The following ANKRD55 variants were observed in gnomAD, a reference collection of about 807,000 sequenced individuals.
The protein encoded by ANKRD55 is ankyrin repeat domain-containing protein 55.
ANKRD55 carries 41 observed loss-of-function variants against 60.6 expected under a neutral mutation model. The observed-to-expected ratio is 0.68, with a 90% confidence interval of 0.53 to 0.88. The LOEUF (loss-of-function observed/expected upper bound fraction) is 0.88, where lower values mean the gene tolerates loss of function less well. Among genes scored for constraint, ANKRD55 ranks in the 40% least tolerant of loss-of-function variants. The pLI is 0.00. For synonymous variants in ANKRD55, 264 were observed against 290.3 expected, an observed-to-expected ratio of 0.91 and a Z score of 0.92; for missense variants, 732 against 767.6, an observed-to-expected ratio of 0.95 and a Z score of 0.55.
intron 2 of ANKRD55, among the ~76,000 whole-genome samples, chr5:56,231,585 T>G (rs1479470692): frequency 6.6e-6 from 1 of 152,002 alleles, no homozygotes; most frequent in African/African-American, 2.4e-5. Flanking sequence ...TGGGCACAGC[T>G]GTGACAACGC....
At chr5:56,188,328 T>C (rs1186076711) in intron 2 of ANKRD55, among the ~76,000 whole-genome samples, 1 of 151,820 alleles carries the variant, frequency 6.6e-6, no homozygotes, top group African/African-American at 2.4e-5. Context: ...TGGAGATATT[T>C]TCTCTGCCCT....
intron 7 of ANKRD55, among the ~76,000 whole-genome samples, chr5:56,139,969 C>T (rs11741761): frequency 0.18 from 27,870 of 151,946 alleles, 3,072 homozygotes; most frequent in Middle Eastern, 0.39. Flanking sequence ...CTAGGGAGGC[C>T]GAGTGGTAGA....
chr5:56,173,407 A>ACCAT (rs1758651731), intron 4 of ANKRD55, among the ~76,000 whole-genome samples: 1 of 151,468 alleles, frequency 6.6e-6, no homozygotes, highest in Non-Finnish European at 1.5e-5. Context: ...CATGTTGCCC[A>ACCAT]GGCTGGTCAG....
Position 56,137,364 on chromosome 5 carries a change from T to TA in ANKRD55, c.612+6436dup, listed in dbSNP as rs1479054551. The TA allele has an allele frequency of 6.3e-6, 8 of 1,265,032 alleles. No individual in the cohort carries two copies. The African/African-American group carries it at 1.2e-4, about 19-fold the overall frequency. 78.4% of individuals were successfully genotyped at this position (1,265,032 alleles called of 1,614,324 possible). A position where few individuals can be genotyped will look rare whatever the true frequency, so the allele number is the denominator to read the frequency against. ...AGCACCTAAGATGTGCCCCTGGACC[T>TA]ACAGAGCTCATGGTCGGATTAACCC... On this transcript the variant is annotated intron_variant, in intron 7 of 11. Transcript: ENST00000341048.
chr5:56,132,215 C>A (rs1757438967), intron 7 of ANKRD55, among the ~76,000 whole-genome samples: 1 of 151,200 alleles, frequency 6.6e-6, no homozygotes, highest in African/African-American at 2.4e-5. Flanking sequence ...CTAGGGCAAT[C>A]ACTAAAAAAG....
chr5:56,101,636 C>T (rs1370577133), intron 11 of ANKRD55, among the ~76,000 whole-genome samples: 1 of 152,086 alleles, frequency 6.6e-6, no homozygotes, highest in Non-Finnish European at 1.5e-5. Context: ...CAGGAATCTA[C>T]TTCACAACAA....
At chr5:56,193,862 A>T (rs190956761) in intron 2 of ANKRD55, among the ~76,000 whole-genome samples, 1 of 152,332 alleles carries the variant, frequency 6.6e-6, no homozygotes, top group East Asian at 1.9e-4. Context: ...TATATATATA[A>T]GAAGAACTTG....
intron 2 of ANKRD55, among the ~76,000 whole-genome samples, chr5:56,213,364 AG>A (rs1291696104): frequency 6.6e-6 from 1 of 152,202 alleles, no homozygotes; most frequent in Non-Finnish European, 1.5e-5. Flanking sequence ...TTTTGCTTCC[AG>A]GGAAGGGAAT....
At chr5:56,218,629 G>A (rs1046758327) in intron 2 of ANKRD55, among the ~76,000 whole-genome samples, 1 of 152,170 alleles carries the variant, frequency 6.6e-6, no homozygotes, top group African/African-American at 2.4e-5. Context: ...TACATGCATT[G>A]GGAAACCAAA....
At chr5:56,119,123 T>C (rs962032299) in intron 8 of ANKRD55, among the ~76,000 whole-genome samples, 1 of 152,206 alleles carries the variant, frequency 6.6e-6, no homozygotes, top group African/African-American at 2.4e-5. Context: ...ACACAAATGT[T>C]TGTAGAAGCA....
In ANKRD55 at chr5:56,111,788, C is replaced by A. The variant is rs766674081; in HGVS notation, c.966-6G>T. 7.4e-6 allele frequency: 11 copies of A among 1,485,966 alleles called. No individual in the cohort carries two copies. Among genetic ancestry groups the A allele is most frequent in the African/African-American group, 2.8e-5 (2 of 71,116 alleles). 92.0% of individuals were successfully genotyped at this position (1,485,966 alleles called of 1,614,324 possible). ...GGGGTCGAGTAGGCTCTGTTCTATGCGAATATAAAAGAGCAGGGATGATAT... is the reference window on the plus strand; with the variant it reads ...GGGGTCGAGTAGGCTCTGTTCTATGAGAATATAAAAGAGCAGGGATGATAT... On this transcript the variant is annotated splice_region_variant and splice_polypyrimidine_tract_variant and intron_variant, in intron 9 of 11. Transcript: ENST00000341048.
At chr5:56,128,820 A>C (rs1757339707) in intron 7 of ANKRD55, among the ~76,000 whole-genome samples, 1 of 152,232 alleles carries the variant, frequency 6.6e-6, no homozygotes, top group Non-Finnish European at 1.5e-5. Flanking sequence ...GAGCAGATCC[A>C]GGATTGACTG....
chr5:56,151,038 A>T (rs1758029116), intron 6 of ANKRD55, among the ~76,000 whole-genome samples: 1 of 152,170 alleles, frequency 6.6e-6, no homozygotes, highest in African/African-American at 2.4e-5. Flanking sequence ...AAGAAGTTTA[A>T]ATAGAGATGA....
intron 3 of ANKRD55, among the ~76,000 whole-genome samples, chr5:56,182,720 T>C (rs1272032599): frequency 6.6e-6 from 1 of 152,164 alleles, no homozygotes; most frequent in Non-Finnish European, 1.5e-5. Flanking sequence ...CTGGCTTCCA[T>C]GGGCACTGCT....
At chr5:56,233,103 A>G (rs1341876100) in intron 1 of ANKRD55, 138 bp downstream of exon 1, 5 of 609,136 alleles carry the variant, frequency 8.2e-6, no homozygotes, top group Middle Eastern at 5.7e-4. Context: ...CTATTCCTGT[A>G]AATACCTGCT....
At chr5:56,126,851 TCTC>T (rs1175772409) in intron 8 of ANKRD55, 68 bp downstream of exon 8, 2 of 1,503,434 alleles carry the variant, frequency 1.3e-6, no homozygotes, top group African/African-American at 1.4e-5. Context: ...TCCTTAAACA[TCTC>T]CTTTATTTTA....
At chr5:56,226,698 A>C (rs956130594) in intron 2 of ANKRD55, among the ~76,000 whole-genome samples, 1 of 152,270 alleles carries the variant, frequency 6.6e-6, no homozygotes, top group African/African-American at 2.4e-5. Context: ...GACACTTCTC[A>C]AAAGAAGACA....
chr5:56,163,545 G>C (rs1758381734), intron 5 of ANKRD55, among the ~76,000 whole-genome samples: 1 of 152,142 alleles, frequency 6.6e-6, no homozygotes, highest in Non-Finnish European at 1.5e-5. Context: ...AGTACAGCAG[G>C]CTTGGACCCC....
At chr5:56,143,728 A>T in intron 7 of ANKRD55, 73 bp downstream of exon 7, 2 of 1,592,198 alleles carry the variant, frequency 1.3e-6, no homozygotes, top group East Asian at 2.2e-5. Flanking sequence ...TTAAAGTTTG[A>T]CCTACTCAGA....
Sources: allele counts gnomAD v4.1 joint callset (sites outside exome capture counted in the v4.1 genomes callset), GRCh38; gene constraint gnomAD v4.1.1; transcripts MANE v1.5; gene names NCBI Gene and HGNC (gene_info 2026-07-23, HGNC 2026-07-21).